The following EPB42 variants were observed in gnomAD, a reference collection of about 807,000 sequenced individuals.
The protein encoded by EPB42 is protein 4.2.
A neutral mutation model predicts 76.9 loss-of-function variants in EPB42; 49 were observed. That is an observed-to-expected ratio of 0.64 (90% confidence interval 0.51 to 0.81). EPB42 has a LOEUF of 0.81. Among genes scored for constraint, EPB42 ranks in the 30% least tolerant of loss-of-function variants. EPB42 has a pLI of 0.00. For synonymous variants in EPB42, 310 were observed against 338.4 expected, an observed-to-expected ratio of 0.92 and a Z score of 0.92; for missense variants, 731 against 867.6, an observed-to-expected ratio of 0.84 and a Z score of 1.98.
At chr15:43,209,187 A>C (rs2042252988) in intron 6 of EPB42, 87 bp downstream of exon 6, 3 of 1,492,692 alleles carry the variant, frequency 2.0e-6, no homozygotes. Flanking sequence ...GGGAGGCAGC[A>C]CCTGCTTTTG....
chr15:43,201,807 G>A (rs2042129997), intron 12 of EPB42, 37 bp downstream of exon 12: 7 of 1,614,100 alleles, frequency 4.3e-6, no homozygotes, highest in Non-Finnish European at 5.9e-6. Flanking sequence ...GACCCATTGA[G>A]ACATTTCAGG....
intron 3 of EPB42, among the ~76,000 whole-genome samples, chr15:43,214,620 G>A (rs530838310): frequency 5.9e-5 from 9 of 152,254 alleles, no homozygotes; most frequent in African/African-American, 2.2e-4. Flanking sequence ...CTTAAAGAGG[G>A]TCCCCCAGAT....
chr15:43,202,063 A>G, intron 11 of EPB42, 86 bp from the exon 12 acceptor site: 1 of 1,594,272 alleles, frequency 6.3e-7, no homozygotes, highest in Non-Finnish European at 8.6e-7. Flanking sequence ...TACCCTCCTC[A>G]GTAAGTTTCC....
chr15:43,216,336 A>G lies in EPB42; in HGVS notation c.128T>C (p.Leu43Pro). 1 of 1,614,224 alleles carries G rather than the reference A, an allele frequency of 6.2e-7. No homozygotes were observed. ...TGCACGGACTGGAGCGCGGAAGTAC[A>G]GGATGATGGTGAAGGGCTGCCCCCT... ...VRRGQPFTII[L>P]YFRAPVRAFL... Residue 43 changes from leucine to proline, a missense_variant, in exon 2 of 13, where the codon CTG (leucine) becomes CCG (proline). By Grantham distance (98) the Leu-to-Pro change is moderately conservative. Coordinates refer to ENST00000441366, the MANE Select transcript of EPB42 (RefSeq NM_001114134.2).
chr15:43,209,650 C>T (rs749123462), intron 5 of EPB42, 199 bp from the exon 6 acceptor site: 4 of 574,280 alleles, frequency 7.0e-6, no homozygotes, highest in South Asian at 2.8e-5. Flanking sequence ...GGCTGGAGCC[C>T]AGGACCCTCC....
chr15:43,204,042 T>C (rs978741881), intron 10 of EPB42, among the ~76,000 whole-genome samples: 3 of 152,174 alleles, frequency 2.0e-5, no homozygotes, highest in African/African-American at 7.2e-5. Flanking sequence ...CTGCTTATTT[T>C]CCTCAGCATA....
Position 43,206,185 on chromosome 15 carries a change from T to G in EPB42, c.1618+145A>C. 2 of 819,964 alleles carry G rather than the reference T, an allele frequency of 2.4e-6. No individual in the cohort carries two copies. The highest frequency in any genetic ancestry group is 3.7e-6 in the Non-Finnish European group (2 of 542,844). The allele number at this position is 819,964 out of a possible 1,614,324, so 50.8% of individuals were successfully genotyped here. ...AATAAATATGTGTTGAATGAATGAA[T>G]GAGAGAGAACATGAGAGTGAGCAGC... On this transcript the variant is annotated intron_variant, in intron 10 of 12. Coordinates refer to ENST00000441366, the MANE Select transcript of EPB42 (RefSeq NM_001114134.2). The surrounding 1 kb of genome is among the most constrained non-coding windows in gnomAD (Gnocchi z 4.7).
intron 12 of EPB42, among the ~76,000 whole-genome samples, chr15:43,200,975 C>T (rs573255966): frequency 2.0e-5 from 3 of 152,238 alleles, no homozygotes; most frequent in South Asian, 2.1e-4. Flanking sequence ...CCACTGTGCC[C>T]GGCTAATTTT....
In EPB42 at chr15:43,197,467, GAAAT is replaced by G. The variant is rs899600515; in HGVS notation, c.1914-7_1914-4del. The G allele has an allele frequency of 1.2e-6, 2 of 1,613,894 alleles. No individual in the cohort carries two copies. Among genetic ancestry groups the G allele is most frequent in the African/African-American group, 1.3e-5 (1 of 74,926 alleles). On this transcript the variant is annotated splice_region_variant and splice_polypyrimidine_tract_variant and intron_variant, in intron 12 of 12. Transcript: ENST00000441366. ...TTTCAGGCCACACTGAACGGAATCT[GAAAT>G]AAAGGAAAAGGCAGGTGCTAGTTCT...
chr15:43,224,340 G>C (rs1030382737), upstream of EPB42, among the ~76,000 whole-genome samples: 1 of 152,134 alleles, frequency 6.6e-6, no homozygotes. Context: ...TTGGGGGTTA[G>C]GGCTTCAACA....
intron 3 of EPB42, among the ~76,000 whole-genome samples, chr15:43,213,413 G>A (rs956599514): frequency 1.1e-4 from 17 of 152,284 alleles, no homozygotes; most frequent in Non-Finnish European, 2.4e-4. Context: ...TCCCAGATGA[G>A]CGGAGCCAAT....
At chr15:43,202,255 G>A (rs1365855449) in intron 11 of EPB42, among the ~76,000 whole-genome samples, 4 of 152,082 alleles carry the variant, frequency 2.6e-5, no homozygotes, top group Middle Eastern at 3.2e-3. Context: ...TGTATTCAAC[G>A]TTCTTCATGG....
At chr15:43,216,227 C>T in intron 2 of EPB42, 41 bp downstream of exon 2, 2 of 1,609,836 alleles carry the variant, frequency 1.2e-6, no homozygotes, top group Non-Finnish European at 1.7e-6. Flanking sequence ...AGAGAACCCC[C>T]CAGGCCTGCT....
chr15:43,203,378 C>CCTG, intron 10 of EPB42, 103 bp from the exon 11 acceptor site: 1 of 1,399,752 alleles, frequency 7.1e-7, no homozygotes, highest in Non-Finnish European at 1.0e-6. Context: ...TCACTGAGGC[C>CCTG]AGAAAGATGC....
rs2142314338 is a variant in EPB42 at position 43,215,100 on chromosome 15, T to C, written c.425A>G (p.Asn142Ser). The C allele has an allele frequency of 6.2e-7, 1 of 1,613,986 alleles. No individual in the cohort carries two copies. Among genetic ancestry groups the C allele is most frequent in the Non-Finnish European group, 8.5e-7 (1 of 1,179,916 alleles). The change falls in exon 3 of 13, where the codon AAT becomes AGT. Residue 142 changes from asparagine to serine, a missense_variant. Asn to Ser is a conservative substitution (Grantham distance 46). Coordinates refer to ENST00000441366, the MANE Select transcript of EPB42 (RefSeq NM_001114134.2). ...GQFTLLFNPW[N>S]REDAVFLKNE... ...TGGCCCAGGTCCAAACTTACCTCTA[T>C]TCCAGGGGTTAAAAAGCAGTGTGAA...
At chr15:43,200,445 A>G (rs2042108469) in intron 12 of EPB42, among the ~76,000 whole-genome samples, 1 of 152,220 alleles carries the variant, frequency 6.6e-6, no homozygotes, top group South Asian at 2.1e-4. Context: ...ACAAGGGACT[A>G]ATACCTGGAC....
intron 3 of EPB42, among the ~76,000 whole-genome samples, chr15:43,213,054 T>G (rs950454036): frequency 6.6e-6 from 1 of 152,270 alleles, no homozygotes; most frequent in African/African-American, 2.4e-5. Context: ...CAGACCCATA[T>G]GCCCAAGGAG....
At chr15:43,207,651 G>A (rs536367567) in intron 8 of EPB42, among the ~76,000 whole-genome samples, 3 of 152,340 alleles carry the variant, frequency 2.0e-5, no homozygotes, top group Non-Finnish European at 4.4e-5. Flanking sequence ...TTTGGTCATG[G>A]TCCCTGGCAG....
chr15:43,215,712 T>C (rs562724862), intron 2 of EPB42, among the ~76,000 whole-genome samples: 8 of 152,358 alleles, frequency 5.3e-5, no homozygotes, highest in African/African-American at 1.9e-4. Flanking sequence ...TTCTTTCTTT[T>C]TGAGACGGAG....
Sources: gnomAD v4.1 joint callset for allele counts (sites outside exome capture counted in the v4.1 genomes callset) on GRCh38, gnomAD v4.1.1 for gene constraint, Gnocchi (gnomAD v3.1) non-coding constraint, MANE v1.5 for transcripts, NCBI Gene and HGNC (gene_info 2026-07-23, HGNC 2026-07-21) for gene names.